Variants in MEX3C observed in about 807,000 individuals in gnomAD.
MEX3C encodes mex-3 RNA binding family member C, also known as RNA-binding E3 ubiquitin-protein ligase MEX3C.
Under a neutral mutation model 35.5 loss-of-function variants are expected in MEX3C, and 15 were observed. The ratio of observed to expected loss-of-function variants is 0.42; its 90% CI spans 0.28 to 0.65. The LOEUF (loss-of-function observed/expected upper bound fraction) is 0.65. Ranked by LOEUF, MEX3C falls within the 30% of genes least tolerant of loss-of-function variation. MEX3C has a pLI of 0.20. For missense variants in MEX3C, 711 were observed against 842.8 expected (o/e 0.84, Z 1.94); for synonymous variants, 390 against 352.8 (o/e 1.11, Z -1.18).
chr18:51,181,115 G>A (rs561011383), intron 1 of MEX3C, among the ~76,000 whole-genome samples: 26 of 152,132 alleles, frequency 1.7e-4, no homozygotes, highest in African/African-American at 6.0e-4. Flanking sequence ...TTGAAAACTC[G>A]AAGATATTTT....
At chr18:51,196,396 G>A in intron 1 of MEX3C, 171 bp downstream of exon 1, 1 of 1,374,754 alleles carries the variant, frequency 7.3e-7, no homozygotes, top group South Asian at 1.5e-5. Flanking sequence ...GTGGGTTTTC[G>A]CAAGGTGACC....
At chr18:51,190,946 G>C (rs916436346) in intron 1 of MEX3C, among the ~76,000 whole-genome samples, 8 of 152,144 alleles carry the variant, frequency 5.3e-5, no homozygotes, top group Non-Finnish European at 1.2e-4. Flanking sequence ...TAATAAAAAA[G>C]GTATCACTTA....
At chr18:51,189,898 TA>T (rs1912618641) in intron 1 of MEX3C, among the ~76,000 whole-genome samples, 1 of 152,206 alleles carries the variant, frequency 6.6e-6, no homozygotes, top group Non-Finnish European at 1.5e-5. Flanking sequence ...ATAACTTACA[TA>T]ATTTATTGGT....
intron 1 of MEX3C, chr18:51,195,648 G>A (rs1912764945): frequency 6.6e-6 from 1 of 152,130 alleles, no homozygotes; most frequent in Non-Finnish European, 1.5e-5. Flanking sequence ...TTTCATAAAG[G>A]GGAAATGCTA....
At chr18:51,192,909 A>G (rs1912682273) in intron 1 of MEX3C, 1 of 152,182 alleles carries the variant, frequency 6.6e-6, no homozygotes, top group South Asian at 2.1e-4. Context: ...ACTGTGCTGT[A>G]GCATCATTCT....
At chr18:51,193,903 T>A (rs1599257935) in intron 1 of MEX3C, 1 of 152,336 alleles carries the variant, frequency 6.6e-6, no homozygotes, top group East Asian at 1.9e-4. Context: ...AGAGCTGAAG[T>A]CATAAATGTC....
intron 1 of MEX3C, among the ~76,000 whole-genome samples, chr18:51,182,779 C>A: frequency 6.6e-6 from 1 of 152,154 alleles, no homozygotes; most frequent in Non-Finnish European, 1.5e-5. Context: ...TGAAGGTAAT[C>A]TTCAGTGTTT....
chr18:51,184,791 C>G (rs540356737), intron 1 of MEX3C, among the ~76,000 whole-genome samples: 17 of 151,790 alleles, frequency 1.1e-4, no homozygotes, highest in Admixed American at 9.8e-4. Flanking sequence ...CCTAGGATGT[C>G]AAGGCTGCAG....
intron 1 of MEX3C, among the ~76,000 whole-genome samples, chr18:51,179,102 C>T (rs1912368590): frequency 6.6e-6 from 1 of 151,598 alleles, no homozygotes; most frequent in East Asian, 2.0e-4. Flanking sequence ...CTCCCGGGTT[C>T]CAGTGATTCT....
chr18:51,179,655 CT>C (rs1912383674), intron 1 of MEX3C, among the ~76,000 whole-genome samples: 1 of 152,156 alleles, frequency 6.6e-6, no homozygotes, highest in South Asian at 2.1e-4. Context: ...CCTGTATGTG[CT>C]TTTGTTCTAC....
chr18:51,176,921 T>C lies in MEX3C; in HGVS notation c.1410A>G (p.Thr470=), dbSNP rs1348540177. The change falls in exon 2 of 2, where the codon ACA becomes ACG. Residue 470 remains threonine, a synonymous_variant. Transcript: ENST00000406189. ...GSNRLADFSP[T]SPFSTGNFWF... ...AGAAGTTTCCTGTGCTAAATGGGCT[T>C]GTTGGACTAAAGTCAGCCAGCCTAT... The C allele has an allele frequency of 2.5e-6, 4 of 1,613,906 alleles. No homozygotes were observed. The Admixed American group carries it at 5.0e-5, about 20-fold the overall frequency.
At chr18:51,189,254 T>C (rs1912604454) in intron 1 of MEX3C, among the ~76,000 whole-genome samples, 2 of 152,220 alleles carry the variant, frequency 1.3e-5, no homozygotes, top group South Asian at 4.1e-4. Context: ...TCAATCTAAC[T>C]GGTAATATGA....
At position 51,176,310 on chromosome 18, in the gene MEX3C, G is replaced by A. The variant is rs763314077; in HGVS notation, c.*41C>T. 4.4e-5 allele frequency: 67 copies of A among 1,506,828 alleles called. No individual in the cohort carries two copies. Among genetic ancestry groups the A allele is most frequent in the South Asian group, 6.6e-5 (5 of 75,742 alleles). The allele number at this position is 1,506,828 out of a possible 1,614,324, so 93.3% of individuals were successfully genotyped here. A position where few individuals can be genotyped will look rare whatever the true frequency, so the allele number is the denominator to read the frequency against. ...GGTACCATTATACCCATGCCTTTAC[G>A]AGTCCATATAGAGATATAGTATTTA... On this transcript the variant is annotated 3_prime_UTR_variant, in exon 2 of 2. Coordinates refer to ENST00000406189, the MANE Select transcript of MEX3C (RefSeq NM_016626.5).
rs982427562 is a variant in MEX3C, at chr18:51,176,313, T to A, written c.*38A>T. The A allele has an allele frequency of 3.3e-6, 5 of 1,522,812 alleles. No homozygotes were observed. Among genetic ancestry groups the A allele is most frequent in the Non-Finnish European group, 4.4e-6 (5 of 1,130,344 alleles). The allele number at this position is 1,522,812 out of a possible 1,614,324, so 94.3% of individuals were successfully genotyped here. On this transcript the variant is annotated 3_prime_UTR_variant, in exon 2 of 2. Transcript: ENST00000406189. The stretch of plus-strand genomic sequence containing the variant: ...ACCATTATACCCATGCCTTTACGAG[T>A]CCATATAGAGATATAGTATTTATGT...
intron 1 of MEX3C, chr18:51,192,787 T>G (rs945019195): frequency 7.9e-5 from 12 of 152,178 alleles, no homozygotes; most frequent in African/African-American, 2.9e-4. Flanking sequence ...TCTACCTCTC[T>G]AAACGGCAGT....
chr18:51,197,677 C>G lies in MEX3C; in HGVS notation c.-357G>C, dbSNP rs927256851. ...GGCGGCTACGCCCCACGCCGCTCTCCGAATGAAGCCGGCGCGCTCTGATTG... is the reference window on the plus strand; with the variant it reads ...GGCGGCTACGCCCCACGCCGCTCTCGGAATGAAGCCGGCGCGCTCTGATTG... On this transcript the variant is annotated 5_prime_UTR_variant, in exon 1 of 2. Coordinates refer to ENST00000406189, the MANE Select transcript of MEX3C (RefSeq NM_016626.5). 1.3e-5 allele frequency among the ~76,000 whole-genome samples: 2 copies of G among 151,452 alleles called. No homozygotes were observed. The highest frequency in any genetic ancestry group is 2.9e-5 in the Non-Finnish European group (2 of 67,832).
At chr18:51,189,573 C>T (rs1054141051) in intron 1 of MEX3C, among the ~76,000 whole-genome samples, 1 of 152,010 alleles carries the variant, frequency 6.6e-6, no homozygotes, top group African/African-American at 2.4e-5. Flanking sequence ...TTATTTTAGA[C>T]AAGACAATAA....
At chr18:51,186,871 A>G (rs979962546) in intron 1 of MEX3C, among the ~76,000 whole-genome samples, 3 of 152,218 alleles carry the variant, frequency 2.0e-5, no homozygotes, top group African/African-American at 4.8e-5. Context: ...CTACAAATAC[A>G]AGGTGACTAA....
intron 1 of MEX3C, chr18:51,192,761 T>C (rs1912678402): frequency 6.6e-6 from 1 of 152,124 alleles, no homozygotes; most frequent in South Asian, 2.1e-4. Context: ...GCAAGTTAGC[T>C]CTCAGAACCT....
Sources: allele counts gnomAD v4.1 joint callset (sites outside exome capture counted in the v4.1 genomes callset), GRCh38; gene constraint gnomAD v4.1.1; transcripts MANE v1.5; gene names NCBI Gene and HGNC (gene_info 2026-07-23, HGNC 2026-07-21).